The following PHF24 variants were observed in gnomAD, a reference collection of about 807,000 sequenced individuals.
PHF24 encodes the protein PHD finger protein 24.
In PHF24, 25 loss-of-function variants were observed where a neutral mutation model predicts 42.6. The observed-to-expected ratio is 0.59, with a 90% CI of 0.43 to 0.82. PHF24 has a LOEUF of 0.82. Among genes scored for constraint, PHF24 ranks in the 40% least tolerant of loss-of-function variants. The probability of loss-of-function intolerance (pLI) is 0.00; values close to 1 mark genes in which losing one functional copy is unlikely to be tolerated. For synonymous variants in PHF24, 185 were observed against 204.8 expected (o/e 0.90, Z 0.83); for missense variants, 470 against 538.1 (o/e 0.87, Z 1.25).
At chr9:34,907,245 T>TC in the PHF24 span, among the ~76,000 whole-genome samples, 1 of 152,148 alleles carries the variant, frequency 6.6e-6, no homozygotes, top group Admixed American at 6.5e-5. Flanking sequence ...AACGTAGGCC[T>TC]CCCAACTCCT....
the PHF24 span, among the ~76,000 whole-genome samples, chr9:34,947,880 A>G: frequency 4.6e-5 from 7 of 152,146 alleles, no homozygotes; most frequent in African/African-American, 1.7e-4. Context: ...AGGCCGAGGC[A>G]GGCAGATCAC....
At chr9:34,723,973 T>C in the PHF24 span, 1 of 1,550,862 alleles carries the variant, frequency 6.4e-7, no homozygotes, top group Non-Finnish European at 8.7e-7. Flanking sequence ...GTGTCTTGTT[T>C]GGAAGCATCC....
chr9:34,856,669 AG>A, the PHF24 span, among the ~76,000 whole-genome samples: 4 of 152,180 alleles, frequency 2.6e-5, no homozygotes, highest in Non-Finnish European at 5.9e-5. Context: ...GCTCCGTCCC[AG>A]GGGGGCACCA....
At chr9:34,665,632 C>T in the PHF24 span, 4 of 701,318 alleles carry the variant, frequency 5.7e-6, no homozygotes, top group African/African-American at 7.0e-5. Flanking sequence ...GCCTCCAGCG[C>T]CACCTCGTAT....
chr9:34,891,536 G>T, the PHF24 span, among the ~76,000 whole-genome samples: 1 of 152,216 alleles, frequency 6.6e-6, no homozygotes, highest in Non-Finnish European at 1.5e-5. Flanking sequence ...GGGCTGTACT[G>T]CTCCAGGGCA....
At chr9:34,753,267 C>A in the PHF24 span, among the ~76,000 whole-genome samples, 1 of 151,818 alleles carries the variant, frequency 6.6e-6, no homozygotes, top group Non-Finnish European at 1.5e-5. Context: ...GAAACTTCAC[C>A]AAAAAACTAT....
the PHF24 span, among the ~76,000 whole-genome samples, chr9:34,679,938 C>A: frequency 6.6e-6 from 1 of 152,126 alleles, no homozygotes; most frequent in African/African-American, 2.4e-5. Context: ...GTTTGTATGA[C>A]ACCTTGAGTT....
chr9:34,923,087 T>G, the PHF24 span, among the ~76,000 whole-genome samples: 1 of 151,884 alleles, frequency 6.6e-6, no homozygotes, highest in South Asian at 2.1e-4. Context: ...GATGTTGAAT[T>G]TTATCAAATG....
At chr9:34,976,928 C>T (rs1034724349) in intron 5 of PHF24, among the ~76,000 whole-genome samples, 155 bp from the exon 6 acceptor site, 1 of 152,216 alleles carries the variant, frequency 6.6e-6, no homozygotes, top group Admixed American at 6.5e-5. Context: ...GAAGACTGAT[C>T]TGCCCTGGGC....
chr9:34,820,879 C>A, the PHF24 span, among the ~76,000 whole-genome samples: 3 of 152,214 alleles, frequency 2.0e-5, no homozygotes, highest in East Asian at 5.8e-4. Flanking sequence ...TTTTTCTCCA[C>A]AATCTTGCAG....
At chr9:34,910,032 T>C in the PHF24 span, among the ~76,000 whole-genome samples, 20 of 152,364 alleles carry the variant, frequency 1.3e-4, no homozygotes, top group East Asian at 3.7e-3. Context: ...CTTCAGGAGT[T>C]AATAAATGCT....
chr9:34,771,806 A>T, the PHF24 span, among the ~76,000 whole-genome samples: 4 of 152,228 alleles, frequency 2.6e-5, no homozygotes, highest in Non-Finnish European at 5.9e-5. Flanking sequence ...GCTCGAACCC[A>T]GAATGATTTG....
chr9:34,946,512 C>G, the PHF24 span, among the ~76,000 whole-genome samples: 1 of 152,124 alleles, frequency 6.6e-6, no homozygotes, highest in Non-Finnish European at 1.5e-5. Context: ...TTTATAGGCA[C>G]AATTTTAGAT....
At chr9:34,669,702 A>G in the PHF24 span, among the ~76,000 whole-genome samples, 1 of 152,086 alleles carries the variant, frequency 6.6e-6, no homozygotes, top group Non-Finnish European at 1.5e-5. Flanking sequence ...TTCTACGTTC[A>G]GAAACTTCCT....
At chr9:34,895,687 T>C in the PHF24 span, 16 of 404,712 alleles carry the variant, frequency 4.0e-5, no homozygotes, top group Non-Finnish European at 5.7e-5. Context: ...ATAAGGGATA[T>C]CCAACATCCC....
At chr9:34,857,018 T>C in the PHF24 span, among the ~76,000 whole-genome samples, 2 of 152,212 alleles carry the variant, frequency 1.3e-5, no homozygotes, top group Non-Finnish European at 2.9e-5. Context: ...AGGGTCCCAC[T>C]TAACAAAACT....
At chr9:34,791,898 G>C in the PHF24 span, among the ~76,000 whole-genome samples, 4 of 152,222 alleles carry the variant, frequency 2.6e-5, no homozygotes, top group African/African-American at 9.6e-5. Context: ...AATGGGAAGA[G>C]AGACAATGGA....
At chr9:34,673,595 T>C in the PHF24 span, among the ~76,000 whole-genome samples, 1 of 151,162 alleles carries the variant, frequency 6.6e-6, no homozygotes, top group African/African-American at 2.4e-5. Flanking sequence ...CTCAGCCTCC[T>C]GAGTAGGTGG....
chr9:34,727,793 T>C, the PHF24 span, among the ~76,000 whole-genome samples: 1 of 152,208 alleles, frequency 6.6e-6, no homozygotes, highest in Non-Finnish European at 1.5e-5. Flanking sequence ...AAATCCTGAA[T>C]TGTAGAACTG....
Sources: gnomAD v4.1 joint callset for allele counts (sites outside exome capture counted in the v4.1 genomes callset) on GRCh38, gnomAD v4.1.1 for gene constraint, MANE v1.5 for transcripts, NCBI Gene and HGNC (gene_info 2026-07-23, HGNC 2026-07-21) for gene names.